Variants in FSIP2 observed in about 807,000 individuals in gnomAD.
The protein encoded by FSIP2 is fibrous sheath-interacting protein 2.
Under a neutral mutation model 510.5 loss-of-function variants are expected in FSIP2, and 367 were observed. That is an observed-to-expected ratio of 0.72 (90% confidence interval 0.66 to 0.78). FSIP2 has a LOEUF of 0.78. Among genes scored for constraint, FSIP2 ranks in the 30% least tolerant of loss-of-function variants. The pLI is 0.00. For missense variants in FSIP2, 7,594 were observed against 7,901.7 expected (o/e 0.96, Z 1.48); for synonymous variants, 2,601 against 2,732.2 (o/e 0.95, Z 1.50).
At position 185,807,908 on chromosome 2, in the gene FSIP2, GAAC is replaced by G. The variant is rs1169445390; in HGVS notation, c.18605_18607del (p.Thr6202del). The G allele has an allele frequency of 6.2e-7, 1 of 1,601,474 alleles. No individual in the cohort carries two copies. Among genetic ancestry groups the G allele is most frequent in the Admixed American group, 1.7e-5 (1 of 57,354 alleles). ...ATATTTCCAAAAGTACATAAAGAAA[GAAC>G]AAAATCTCTAGAGACTGATATGCAA... On this transcript the variant is annotated inframe_deletion, in exon 17 of 23. Coordinates refer to ENST00000424728, the MANE Select transcript of FSIP2 (RefSeq NM_173651.4).
At chr2:185,764,197 C>A (rs931123385) in intron 12 of FSIP2, among the ~76,000 whole-genome samples, 4 of 151,550 alleles carry the variant, frequency 2.6e-5, no homozygotes, top group African/African-American at 9.7e-5. Context: ...GATTGCCATC[C>A]ATATTAAATC....
intron 13 of FSIP2, among the ~76,000 whole-genome samples, chr2:185,777,322 TA>T (rs1259517639): frequency 1.3e-5 from 2 of 151,458 alleles, no homozygotes; most frequent in Non-Finnish European, 2.9e-5. Flanking sequence ...TGTGTTTTTA[TA>T]AAAAAATCAA....
In FSIP2 at chr2:185,791,931, G is replaced by A. The variant is rs1402173774; in HGVS notation, c.4795G>A (p.Gly1599Arg). 9.8e-6 allele frequency: 15 copies of A among 1,533,624 alleles called. No individual in the cohort carries two copies. Among genetic ancestry groups the A allele is most frequent in the Middle Eastern group, 1.7e-4 (1 of 5,998 alleles). ...TGCTAAACTGGAAGGGTTTGCCAAC[G>A]GACATTTAGAAATTTTGGGTGCTAT... ...VFAKLEGFANGHLEILGAIND... is the reference protein window; with the variant it reads ...VFAKLEGFANRHLEILGAIND... The change falls in exon 16 of 23, where the codon GGA (glycine) becomes AGA (arginine). Residue 1599 changes from glycine to arginine, a missense_variant. Coordinates refer to ENST00000424728, the MANE Select transcript of FSIP2 (RefSeq NM_173651.4).
Position 185,788,681 on chromosome 2 carries a change from A to G in FSIP2, c.1545A>G (p.Val515=). The part of the protein sequence containing the change: ...SEELNIIIQN[V]MTWVVATVTS... ...AACTGAATATTATAATTCAGAATGT[A>G]ATGACCTGGGTTGTGGCTACAGTGA... is the stretch of plus-strand genomic sequence containing the variant. Residue 515 remains valine, a synonymous_variant, in exon 16 of 23, where the codon GTA becomes GTG. Coordinates refer to ENST00000424728, the MANE Select transcript of FSIP2 (RefSeq NM_173651.4). 6.6e-7 allele frequency: 1 copy of G among 1,524,758 alleles called. No individual in the cohort carries two copies. Among genetic ancestry groups the G allele is most frequent in the African/African-American group, 1.4e-5 (1 of 72,442 alleles). 94.5% of individuals were successfully genotyped at this position (1,524,758 alleles called of 1,614,324 possible). A position where few individuals can be genotyped will look rare whatever the true frequency, so the allele number is the denominator to read the frequency against.
At chr2:185,786,208 T>G in intron 14 of FSIP2, 44 bp from the exon 15 acceptor site, 1 of 1,310,746 alleles carries the variant, frequency 7.6e-7, no homozygotes, top group Non-Finnish European at 1.0e-6. Context: ...TTTTATAAAT[T>G]TTTGACTCTA....
chr2:185,824,567 G>A lies in FSIP2; in HGVS notation c.20473+87G>A, dbSNP rs1693982150. 4 of 786,856 alleles carry A rather than the reference G, an allele frequency of 5.1e-6. 1 individual carries two copies. The African/African-American group carries it at 7.2e-5, about 14-fold the overall frequency. 48.7% of individuals were successfully genotyped at this position (786,856 alleles called of 1,614,324 possible). A position where few individuals can be genotyped will look rare whatever the true frequency, so the allele number is the denominator to read the frequency against. Reference sequence around the variant, plus strand: ...AGTTATCAAACTTGAAGTTAATACAGGTTTTATGTTTTCTATGAGTTTATC... The same window carrying A: ...AGTTATCAAACTTGAAGTTAATACAAGTTTTATGTTTTCTATGAGTTTATC... On this transcript the variant is annotated intron_variant, in intron 20 of 22. Transcript: ENST00000424728.
chr2:185,774,064 C>T (rs979988371), intron 13 of FSIP2, among the ~76,000 whole-genome samples: 2 of 152,178 alleles, frequency 1.3e-5, no homozygotes, highest in African/African-American at 2.4e-5. Flanking sequence ...AGTCCCTCCT[C>T]TCTTACTAGT....
At chr2:185,757,282 G>T (rs1692262905) in intron 9 of FSIP2, among the ~76,000 whole-genome samples, 1 of 151,444 alleles carries the variant, frequency 6.6e-6, no homozygotes, top group Non-Finnish European at 1.5e-5. Context: ...GGAAAGGATG[G>T]TCAATGGAAA....
rs1404719222 is a variant in FSIP2, at chr2:185,801,075, C to T, written c.11769C>T (p.Ser3923=). 2.0e-6 allele frequency: 3 copies of T among 1,531,902 alleles called. No homozygotes were observed. The East Asian group carries it at 7.4e-5, about 38-fold the overall frequency. The allele number at this position is 1,531,902 out of a possible 1,614,324, so 94.9% of individuals were successfully genotyped here. Residue 3923 remains serine (S), a synonymous_variant, in exon 17 of 23, where the codon AGC becomes AGT. Coordinates refer to ENST00000424728, the MANE Select transcript of FSIP2 (RefSeq NM_173651.4). The part of the protein sequence containing the change: ...TVSLNNPSVV[S]SKIQAPFNKH... ...CCCTGAATAATCCCAGTGTGGTTAG[C>T]TCCAAAATACAAGCACCATTTAACA... is the stretch of plus-strand genomic sequence containing the variant.
At chr2:185,741,903 A>G (rs1157222896) in intron 2 of FSIP2, among the ~76,000 whole-genome samples, 1 of 152,196 alleles carries the variant, frequency 6.6e-6, no homozygotes, top group South Asian at 2.1e-4. Flanking sequence ...GCCAGACTCC[A>G]TAGTGTTCAG....
chr2:185,781,065 T>G (rs1390629481), intron 13 of FSIP2, among the ~76,000 whole-genome samples: 2 of 151,840 alleles, frequency 1.3e-5, no homozygotes, highest in Non-Finnish European at 2.9e-5. Flanking sequence ...CATGATTTTT[T>G]TTTTTTTGTA....
intron 16 of FSIP2, among the ~76,000 whole-genome samples, chr2:185,798,327 G>A (rs1693348705): frequency 6.6e-6 from 1 of 151,746 alleles, no homozygotes; most frequent in African/African-American, 2.4e-5. Flanking sequence ...CCAGTATTCT[G>A]ACTTAAATTC....
chr2:185,810,293 C>A (rs1029213761), intron 17 of FSIP2, among the ~76,000 whole-genome samples: 15 of 151,890 alleles, frequency 9.9e-5, no homozygotes, highest in African/African-American at 3.6e-4. Flanking sequence ...GGGGACAGAC[C>A]CTTCATGGCT....
intron 14 of FSIP2, 107 bp downstream of exon 14, chr2:185,782,869 A>C (rs1014286891): frequency 1.8e-4 from 124 of 682,930 alleles, no homozygotes; most frequent in Admixed American, 7.2e-5. Flanking sequence ...TTATAGTTCT[A>C]CTTGGATTTA....
chr2:185,815,499 T>C (rs775424105), intron 19 of FSIP2, 28 bp downstream of exon 19: 9 of 1,050,576 alleles, frequency 8.6e-6, no homozygotes, highest in African/African-American at 6.7e-5. Flanking sequence ...AGTAGAAATA[T>C]AGAAATCTGA....
At chr2:185,816,876 AG>A (rs1437607642) in intron 19 of FSIP2, among the ~76,000 whole-genome samples, 8 of 150,206 alleles carry the variant, frequency 5.3e-5, no homozygotes, top group African/African-American at 2.0e-4. Context: ...AGAGAGAGAG[AG>A]AGAAGACGAA....
In FSIP2 at chr2:185,797,125, C is replaced by A; in HGVS notation, c.9989C>A (p.Ala3330Glu). 2 of 1,534,886 alleles carry A rather than the reference C, an allele frequency of 1.3e-6. No individual in the cohort carries two copies. The highest frequency in any genetic ancestry group is 1.4e-5 in the African/African-American group (1 of 73,030). Residue 3330 changes from alanine (A) to glutamate (E), a missense_variant, in exon 16 of 23, where the codon GCA (alanine) becomes GAA (glutamate). Coordinates refer to ENST00000424728, the MANE Select transcript of FSIP2 (RefSeq NM_173651.4). ...TISPLKICLAAENIVNTVLSS... is the reference protein window; with the variant it reads ...TISPLKICLAEENIVNTVLSS... ...TCCCCTCTCAAAATATGTTTAGCTGCAGAAAATATTGTCAATACTGTGCTA... is the reference window on the plus strand; with the variant it reads ...TCCCCTCTCAAAATATGTTTAGCTGAAGAAAATATTGTCAATACTGTGCTA...
Position 185,794,307 on chromosome 2 carries a change from G to A in FSIP2, c.7171G>A (p.Glu2391Lys). 1 of 1,523,464 alleles carries A rather than the reference G, an allele frequency of 6.6e-7. No individual in the cohort carries two copies. The highest frequency in any genetic ancestry group is 8.8e-7 in the Non-Finnish European group (1 of 1,140,402). The allele number at this position is 1,523,464 out of a possible 1,614,324, so 94.4% of individuals were successfully genotyped here. A position where few individuals can be genotyped will look rare whatever the true frequency, so the allele number is the denominator to read the frequency against. Residue 2391 changes from glutamate (E) to lysine (K), a missense_variant, in exon 16 of 23, where the codon GAA (glutamate) becomes AAA (lysine). By Grantham distance (56) the Glu-to-Lys change is moderately conservative. Transcript: ENST00000424728. The part of the protein sequence containing the change: ...ILFQENIIVS[E>K]IVDSMLKMLD... ...GTTCCAAGAAAACATCATTGTGAGT[G>A]AAATTGTTGACAGTATGTTAAAGAT... is the stretch of plus-strand genomic sequence containing the variant.
chr2:185,746,687 T>G lies in FSIP2; in HGVS notation c.636T>G (p.Ser212Arg), dbSNP rs1404545613. The G allele has an allele frequency of 6.6e-7, 1 of 1,519,224 alleles. No individual in the cohort carries two copies. Among genetic ancestry groups the G allele is most frequent in the Admixed American group, 2.1e-5 (1 of 47,148 alleles). The allele number at this position is 1,519,224 out of a possible 1,614,324, so 94.1% of individuals were successfully genotyped here. ...TACTCAGATATTTGGATATGATAAG[T>G]AGAAAACTAGAACAACTTGAACGCA... The part of the protein sequence containing the change: ...LMRHRYLDMI[S>R]RKLEQLERTA... Residue 212 changes from serine (S) to arginine (R), a missense_variant, in exon 6 of 23, where the codon AGT becomes AGG. Coordinates refer to ENST00000424728, the MANE Select transcript of FSIP2 (RefSeq NM_173651.4).
Sources: gnomAD v4.1 joint callset for allele counts (sites outside exome capture counted in the v4.1 genomes callset) on GRCh38, gnomAD v4.1.1 for gene constraint, MANE v1.5 for transcripts, NCBI Gene and HGNC (gene_info 2026-07-23, HGNC 2026-07-21) for gene names.